TLE1: variants seen among roughly 807,000 people sequenced by gnomAD.
TLE1 encodes TLE family member 1, transcriptional corepressor.
In TLE1, 21 loss-of-function variants were observed where a neutral mutation model predicts 89.8. That is an observed-to-expected ratio of 0.23 (90% CI 0.17 to 0.34). The LOEUF (loss-of-function observed/expected upper bound fraction) is 0.34, where lower values mean the gene tolerates loss of function less well. TLE1 is among the 10% of genes least tolerant of loss of function. TLE1 has a pLI of 1.00. For synonymous variants in TLE1, 447 were observed against 407.6 expected (o/e 1.10, Z -1.16); for missense variants, 795 against 1,031.2 (o/e 0.77, Z 3.14).
intron 6 of TLE1, among the ~76,000 whole-genome samples, chr9:81,637,313 G>A (rs1827510221): frequency 2.6e-5 from 4 of 151,950 alleles, no homozygotes; most frequent in Non-Finnish European, 4.4e-5. Context: ...AGCTGAGATC[G>A]TGCCACTGCA....
intron 4 of TLE1, among the ~76,000 whole-genome samples, chr9:81,669,398 T>C (rs1831920040): frequency 6.6e-6 from 1 of 152,214 alleles, no homozygotes; most frequent in Non-Finnish European, 1.5e-5. Context: ...TTAAACAATA[T>C]ATTAATGAGG....
intron 4 of TLE1, among the ~76,000 whole-genome samples, chr9:81,655,153 C>G (rs1350361805): frequency 3.3e-5 from 5 of 151,994 alleles, no homozygotes; most frequent in African/African-American, 7.2e-5. Context: ...ATTATGAGGT[C>G]AGGAGTTCAA....
intron 4 of TLE1, among the ~76,000 whole-genome samples, chr9:81,678,975 T>TA (rs1005028314): frequency 5.7e-4 from 86 of 152,068 alleles, no homozygotes; most frequent in African/African-American, 2.0e-3. Context: ...ACCCCATCTC[T>TA]ACCAAAAAAT....
intron 8 of TLE1, among the ~76,000 whole-genome samples, chr9:81,632,509 A>T (rs1255184732): frequency 1.4e-5 from 2 of 146,626 alleles, no homozygotes; most frequent in Non-Finnish European, 3.0e-5. Context: ...CATATTAAAC[A>T]CAGTCAAAAT....
At position 81,674,542 on chromosome 9, in the gene TLE1, C is replaced by T. The variant is rs543703202; in HGVS notation, c.234+11134G>A. On this transcript the variant is annotated intron_variant, in intron 4 of 19. Coordinates refer to ENST00000376499, the MANE Select transcript of TLE1 (RefSeq NM_005077.5). ...ACGACAATTCCATACACACAAAGTT[C>T]AAAATCAGAGTCCTTTTGCAAAATT... is the stretch of plus-strand genomic sequence containing the variant. Among the ~76,000 whole-genome samples the T allele has an allele frequency of 4.6e-5, 7 of 152,288 alleles. No homozygotes were observed. In the South Asian group the frequency reaches 1.4e-3, roughly 32 times the overall value.
chr9:81,594,351 TAA>T (rs35440521), intron 14 of TLE1, among the ~76,000 whole-genome samples: 7 of 151,342 alleles, frequency 4.6e-5, no homozygotes, highest in Non-Finnish European at 7.4e-5. Context: ...TATGCAGCCA[TAA>T]AAAAAAGGAT....
chr9:81,656,963 C>A (rs1308371174), intron 4 of TLE1, among the ~76,000 whole-genome samples: 9 of 152,162 alleles, frequency 5.9e-5, no homozygotes, highest in Non-Finnish European at 1.0e-4. Context: ...CCAATTATTG[C>A]GAGTTTAGGA....
At chr9:81,683,423 T>C (rs934139072) in intron 4 of TLE1, among the ~76,000 whole-genome samples, 21 of 151,952 alleles carry the variant, frequency 1.4e-4, no homozygotes, top group African/African-American at 4.6e-4. Flanking sequence ...CTCTCTACAA[T>C]ATAATGAGCA....
At position 81,587,837 on chromosome 9, in the gene TLE1, A is replaced by G. The variant is rs1828744868; in HGVS notation, c.1830-9T>C. On this transcript the variant is annotated splice_polypyrimidine_tract_variant and intron_variant, in intron 16 of 19. Transcript: ENST00000376499. ...TGTGGCCCTGGAATTGCCTGATAAA[A>G]CAAACCAGATTGAATAATGATTTCC... The G allele has an allele frequency of 6.2e-7, 1 of 1,613,094 alleles. No homozygotes were observed. The highest frequency in any genetic ancestry group is 8.5e-7 in the Non-Finnish European group (1 of 1,179,726).
At chr9:81,668,340 C>T (rs1372336506) in intron 4 of TLE1, among the ~76,000 whole-genome samples, 2 of 152,004 alleles carry the variant, frequency 1.3e-5, no homozygotes, top group African/African-American at 4.8e-5. Context: ...ATCTGGGATG[C>T]TAGCTAAATT....
At chr9:81,658,957 G>A (rs1201364995) in intron 4 of TLE1, among the ~76,000 whole-genome samples, 1 of 151,710 alleles carries the variant, frequency 6.6e-6, no homozygotes, top group Non-Finnish European at 1.5e-5. Flanking sequence ...TCACCAGGCT[G>A]GAGTACAGTG....
At chr9:81,678,666 A>G (rs1564076107) in intron 4 of TLE1, among the ~76,000 whole-genome samples, 1 of 152,094 alleles carries the variant, frequency 6.6e-6, no homozygotes, top group Non-Finnish European at 1.5e-5. Flanking sequence ...AACACAAAAA[A>G]TAGCTGAGTG....
In TLE1 at chr9:81,590,983, C is replaced by T; in HGVS notation, c.1651G>A (p.Ala551Thr). 6.2e-7 allele frequency: 1 copy of T among 1,614,248 alleles called. No individual in the cohort carries two copies. Among genetic ancestry groups the T allele is most frequent in the Non-Finnish European group, 8.5e-7 (1 of 1,180,038 alleles). Residue 551 changes from alanine to threonine, a missense_variant, in exon 16 of 20, where the codon GCC becomes ACC. Coordinates refer to ENST00000376499, the MANE Select transcript of TLE1 (RefSeq NM_005077.5). ...AGGTCCCAAATGGACAAAGTACTGGCTTCCCCTCCCACTATGAGAGTGCAG... is the reference window on the plus strand; with the variant it reads ...AGGTCCCAAATGGACAAAGTACTGGTTTCCCCTCCCACTATGAGAGTGCAG... ...DGCTLIVGGE[A>T]STLSIWDLAA...
chr9:81,654,163 C>T, intron 4 of TLE1, 127 bp from the exon 5 acceptor site: 1 of 797,220 alleles, frequency 1.3e-6, no homozygotes. Context: ...AATGGTTTCC[C>T]CAGGTTATGT....
At chr9:81,590,169 G>A (rs1829274081) in intron 16 of TLE1, among the ~76,000 whole-genome samples, 1 of 104,268 alleles carries the variant, frequency 9.6e-6, no homozygotes, top group Non-Finnish European at 2.6e-5. Context: ...GCTCTGGTGT[G>A]AGCACTGACT....
At chr9:81,591,283 C>T (rs1371887746) in intron 15 of TLE1, among the ~76,000 whole-genome samples, 1 of 152,162 alleles carries the variant, frequency 6.6e-6, no homozygotes, top group Non-Finnish European at 1.5e-5. Context: ...TCCTGCATCA[C>T]AGAGCTGAAA....
intron 15 of TLE1, among the ~76,000 whole-genome samples, chr9:81,592,125 A>G (rs150507190): frequency 0.033 from 4,957 of 152,264 alleles, 128 homozygotes; most frequent in Non-Finnish European, 0.053. Context: ...TTGGAAGGCC[A>G]AGGCGGGCGG....
At chr9:81,622,891 G>A (rs991342223) in intron 8 of TLE1, among the ~76,000 whole-genome samples, 3 of 152,104 alleles carry the variant, frequency 2.0e-5, no homozygotes, top group Non-Finnish European at 2.9e-5. Context: ...CCTGGCCCAC[G>A]CAGCTGCCGG....
intron 8 of TLE1, among the ~76,000 whole-genome samples, chr9:81,630,308 C>G (rs1203677344): frequency 6.6e-6 from 1 of 152,166 alleles, no homozygotes; most frequent in Non-Finnish European, 1.5e-5. Context: ...GAGAATCCAG[C>G]TATCCTCTTT....
Sources: allele counts gnomAD v4.1 joint callset (sites outside exome capture counted in the v4.1 genomes callset), GRCh38; gene constraint gnomAD v4.1.1; transcripts MANE v1.5; gene names NCBI Gene and HGNC (gene_info 2026-07-23, HGNC 2026-07-21).